The following ARHGAP24 variants were observed in gnomAD, a reference collection of about 807,000 sequenced individuals.
ARHGAP24 encodes rho GTPase-activating protein 24.
In ARHGAP24, 50 loss-of-function variants were observed where a neutral mutation model predicts 76.4. The ratio of observed to expected loss-of-function variants is 0.65; its 90% CI spans 0.52 to 0.83. The LOEUF is 0.83. Among genes scored for constraint, ARHGAP24 ranks in the 40% least tolerant of loss-of-function variants. The pLI, the probability that ARHGAP24 is intolerant of heterozygous loss-of-function variation, is 0.00. For missense variants in ARHGAP24, 930 were observed against 914.2 expected (o/e 1.02, Z -0.22); for synonymous variants, 345 against 323.3 (o/e 1.07, Z -0.72).
At chr4:85,790,150 T>A (rs1272791516) in intron 3 of ARHGAP24, among the ~76,000 whole-genome samples, 1 of 152,148 alleles carries the variant, frequency 6.6e-6, no homozygotes, top group Non-Finnish European at 1.5e-5. Flanking sequence ...CAGGTGATTA[T>A]GGCACAGGTG....
chr4:85,921,756 T>G (rs1181365453), intron 3 of ARHGAP24, among the ~76,000 whole-genome samples: 1 of 152,030 alleles, frequency 6.6e-6, no homozygotes, highest in Non-Finnish European at 1.5e-5. Flanking sequence ...CTGCCTGAGC[T>G]CCTCCTCCTG....
chr4:85,519,411 C>T (rs2110110166), intron 1 of ARHGAP24, among the ~76,000 whole-genome samples: 2 of 152,298 alleles, frequency 1.3e-5, no homozygotes, highest in Middle Eastern at 6.8e-3. Flanking sequence ...CTCCACATAG[C>T]TAATGTCCTT....
At chr4:85,646,690 A>G (rs1348496723) in intron 2 of ARHGAP24, among the ~76,000 whole-genome samples, 1 of 152,094 alleles carries the variant, frequency 6.6e-6, no homozygotes, top group Non-Finnish European at 1.5e-5. Flanking sequence ...AAAATCTCTA[A>G]TTTATTTGCC....
At chr4:85,796,798 T>TG (rs1270667896) in intron 3 of ARHGAP24, among the ~76,000 whole-genome samples, 3 of 152,160 alleles carry the variant, frequency 2.0e-5, no homozygotes, top group Admixed American at 2.0e-4. Context: ...GCTATGGCCT[T>TG]GACTCACTAG....
At chr4:85,637,889 G>T (rs1721384499) in intron 2 of ARHGAP24, among the ~76,000 whole-genome samples, 1 of 151,984 alleles carries the variant, frequency 6.6e-6, no homozygotes, top group African/African-American at 2.4e-5. Context: ...ATTAACACAG[G>T]AGATAATTGC....
intron 2 of ARHGAP24, among the ~76,000 whole-genome samples, chr4:85,700,722 A>G (rs1578152124): frequency 6.6e-6 from 1 of 152,294 alleles, no homozygotes; most frequent in Non-Finnish European, 1.5e-5. Flanking sequence ...TGAGCTTGAA[A>G]CGTGAACTTA....
intron 3 of ARHGAP24, among the ~76,000 whole-genome samples, chr4:85,744,566 A>G (rs1409149461): frequency 2.0e-5 from 3 of 152,164 alleles, no homozygotes; most frequent in Non-Finnish European, 4.4e-5. Context: ...GGAGAGAGAA[A>G]AGACACACAG....
chr4:85,895,438 A>G (rs1331993356), intron 3 of ARHGAP24, among the ~76,000 whole-genome samples: 1 of 152,132 alleles, frequency 6.6e-6, no homozygotes, highest in Admixed American at 6.6e-5. Flanking sequence ...AGCTAGCAGG[A>G]CACTCATGGA....
At chr4:85,928,488 CCTT>C (rs1293628458) in intron 4 of ARHGAP24, among the ~76,000 whole-genome samples, 2 of 152,094 alleles carry the variant, frequency 1.3e-5, no homozygotes, top group Non-Finnish European at 2.9e-5. Context: ...GACGGAGTCT[CCTT>C]CTGTTGTCCA....
At chr4:85,986,723 A>G (rs908104385) in intron 8 of ARHGAP24, among the ~76,000 whole-genome samples, 2 of 152,154 alleles carry the variant, frequency 1.3e-5, no homozygotes, top group African/African-American at 2.4e-5. Flanking sequence ...GACACTACAC[A>G]AGACTTGAGG....
At chr4:85,639,554 G>A (rs949748130) in intron 2 of ARHGAP24, among the ~76,000 whole-genome samples, 42 of 152,078 alleles carry the variant, frequency 2.8e-4, no homozygotes, top group African/African-American at 9.7e-4. Flanking sequence ...AAAAATAATT[G>A]CTGAATGTCC....
intron 3 of ARHGAP24, among the ~76,000 whole-genome samples, chr4:85,738,953 C>T (rs913979295): frequency 2.0e-5 from 3 of 152,226 alleles, no homozygotes; most frequent in African/African-American, 7.2e-5. Flanking sequence ...CAATAATTCT[C>T]TTGTCTGCCG....
intron 3 of ARHGAP24, among the ~76,000 whole-genome samples, chr4:85,914,171 C>A (rs995956287): frequency 1.1e-4 from 17 of 152,144 alleles, no homozygotes; most frequent in Non-Finnish European, 2.4e-4. Context: ...TGATCCATAG[C>A]TTTAAAGCTT....
Position 85,489,797 on chromosome 4 carries a change from G to T in ARHGAP24, c.-21+14238G>T, listed in dbSNP as rs377518613. Among the ~76,000 whole-genome samples, 29 of 152,098 alleles carry T rather than the reference G, an allele frequency of 1.9e-4. 1 individual carries two copies. The highest frequency in any genetic ancestry group is 6.5e-4 in the African/African-American group (27 of 41,352). On this transcript the variant is annotated intron_variant, in intron 1 of 9. Coordinates refer to ENST00000395184, the MANE Select transcript of ARHGAP24 (RefSeq NM_001025616.3). The stretch of plus-strand genomic sequence containing the variant: ...GCTTCTGATATATATTTCCAAGCAA[G>T]AATAGGACAGCAGTGGCTTGTGAGG...
intron 3 of ARHGAP24, among the ~76,000 whole-genome samples, chr4:85,817,760 G>T (rs1729304686): frequency 6.6e-6 from 1 of 152,114 alleles, no homozygotes; most frequent in South Asian, 2.1e-4. Flanking sequence ...CCAGATCCTG[G>T]GGTCTAGTTT....
intron 5 of ARHGAP24, among the ~76,000 whole-genome samples, chr4:85,967,552 A>G (rs1313584870): frequency 6.6e-6 from 1 of 152,158 alleles, no homozygotes; most frequent in Non-Finnish European, 1.5e-5. Flanking sequence ...GTACAATATA[A>G]GAACCAAACT....
chr4:85,533,779 T>C (rs557718023), intron 1 of ARHGAP24, among the ~76,000 whole-genome samples: 17 of 152,174 alleles, frequency 1.1e-4, no homozygotes, highest in Non-Finnish European at 2.1e-4. Context: ...TTTGTAATTA[T>C]CAAATTTGTA....
chr4:85,724,635 G>A (rs371929041), intron 3 of ARHGAP24, among the ~76,000 whole-genome samples: 43 of 151,486 alleles, frequency 2.8e-4, no homozygotes, highest in East Asian at 1.7e-3. Flanking sequence ...AAAATTGAGC[G>A]TCTCAGGTCT....
intron 2 of ARHGAP24, among the ~76,000 whole-genome samples, chr4:85,687,688 T>C (rs558492744): frequency 9.8e-5 from 15 of 152,340 alleles, no homozygotes; most frequent in South Asian, 4.1e-4. Context: ...TGATTCCATG[T>C]CTTTGTATTG....
Sources: gnomAD v4.1 joint callset for allele counts (sites outside exome capture counted in the v4.1 genomes callset) on GRCh38, gnomAD v4.1.1 for gene constraint, MANE v1.5 for transcripts, NCBI Gene and HGNC (gene_info 2026-07-23, HGNC 2026-07-21) for gene names.